The following MTHFD2L variants were observed in gnomAD, a reference collection of about 807,000 sequenced individuals.
MTHFD2L encodes bifunctional methylenetetrahydrofolate dehydrogenase/cyclohydrolase 2, mitochondrial.
MTHFD2L carries 29 observed loss-of-function variants against 34.9 expected under a neutral mutation model. That is an observed-to-expected ratio of 0.83 (90% CI 0.62 to 1.13). MTHFD2L has a LOEUF of 1.13. Ranked by LOEUF, MTHFD2L falls within the 50% of genes most tolerant of loss-of-function variation. MTHFD2L has a pLI of 0.00. For synonymous variants in MTHFD2L, 167 were observed against 155.7 expected (o/e 1.07, Z -0.54); for missense variants, 481 against 446.5 (o/e 1.08, Z -0.70).
At chr4:74,279,863 C>T (rs976397834) in intron 6 of MTHFD2L, among the ~76,000 whole-genome samples, 2 of 152,080 alleles carry the variant, frequency 1.3e-5, no homozygotes, top group African/African-American at 4.8e-5. Flanking sequence ...GGTGACTCTT[C>T]TGTTACATCA....
chr4:74,117,425 G>A (rs1220846228), intron 2 of MTHFD2L, among the ~76,000 whole-genome samples: 1 of 152,208 alleles, frequency 6.6e-6, no homozygotes, highest in Non-Finnish European at 1.5e-5. Flanking sequence ...TTTTCAGGCT[G>A]CAGGGTACAG....
chr4:74,137,289 T>A (rs984186445), intron 1 of MTHFD2L, among the ~76,000 whole-genome samples: 9 of 151,980 alleles, frequency 5.9e-5, no homozygotes, highest in Admixed American at 2.6e-4. Context: ...AAACCTTAAT[T>A]TAAAAATGGA....
intron 7 of MTHFD2L, among the ~76,000 whole-genome samples, chr4:74,292,451 C>T (rs1749077341): frequency 6.6e-6 from 1 of 151,956 alleles, no homozygotes; most frequent in Admixed American, 6.6e-5. Context: ...TTTATCTGCT[C>T]CTATCTCAGA....
In MTHFD2L at chr4:74,301,837, A is replaced by G. The variant is rs184632702; in HGVS notation, c.*28A>G. The stretch of plus-strand genomic sequence containing the variant: ...CACATGAAAGGATAAAGCAAACTGA[A>G]GTCATGCTATTTGTTTATTTGACAA... On this transcript the variant is annotated 3_prime_UTR_variant, in exon 8 of 8. Coordinates refer to ENST00000325278, the MANE Select transcript of MTHFD2L (RefSeq NM_001144978.3). The G allele has an allele frequency of 2.9e-6, 4 of 1,400,942 alleles. No homozygotes were observed. The highest frequency in any genetic ancestry group is 1.9e-5 in the Admixed American group (1 of 52,638). The allele number at this position is 1,400,942 out of a possible 1,614,324, so 86.8% of individuals were successfully genotyped here.
At chr4:74,238,815 G>A (rs1447797668) in intron 6 of MTHFD2L, among the ~76,000 whole-genome samples, 18 of 152,144 alleles carry the variant, frequency 1.2e-4, no homozygotes, top group African/African-American at 2.7e-4. Flanking sequence ...TTAGAATGGC[G>A]ATCGTTAAAA....
intron 6 of MTHFD2L, among the ~76,000 whole-genome samples, chr4:74,241,157 C>T (rs1037999682): frequency 6.6e-6 from 1 of 152,102 alleles, no homozygotes; most frequent in Non-Finnish European, 1.5e-5. Context: ...AAAGAAACCC[C>T]TCTACCTGCT....
At chr4:74,202,089 G>A (rs965531555) in intron 5 of MTHFD2L, among the ~76,000 whole-genome samples, 13 of 152,212 alleles carry the variant, frequency 8.5e-5, no homozygotes, top group Non-Finnish European at 7.3e-5. Context: ...CATCTGGGCC[G>A]CTTACAGACT....
chr4:74,247,817 C>T (rs1421581991), intron 6 of MTHFD2L, among the ~76,000 whole-genome samples: 1 of 152,010 alleles, frequency 6.6e-6, no homozygotes, highest in Non-Finnish European at 1.5e-5. Context: ...GCCTTGCATC[C>T]CAGGGATGAA....
At chr4:74,149,028 G>C (rs975373541) in intron 1 of MTHFD2L, among the ~76,000 whole-genome samples, 4 of 151,816 alleles carry the variant, frequency 2.6e-5, no homozygotes, top group Admixed American at 2.0e-4. Context: ...TCTTTCTGCT[G>C]TCTCCCTTGT....
At chr4:74,267,766 A>G in intron 6 of MTHFD2L, 2 of 985,382 alleles carry the variant, frequency 2.0e-6, no homozygotes, top group Non-Finnish European at 2.4e-6. Context: ...AGAAGCACAC[A>G]TTTGGACCCC....
chr4:74,219,035 A>C (rs1423862069), intron 5 of MTHFD2L, among the ~76,000 whole-genome samples: 1 of 152,138 alleles, frequency 6.6e-6, no homozygotes, highest in Non-Finnish European at 1.5e-5. Flanking sequence ...ACATTGTATT[A>C]GGTATTACTT....
intron 7 of MTHFD2L, among the ~76,000 whole-genome samples, chr4:74,283,614 A>T (rs1229467806): frequency 6.6e-6 from 1 of 152,152 alleles, no homozygotes; most frequent in Non-Finnish European, 1.5e-5. Flanking sequence ...TGTTTGGCAT[A>T]TCTTGGACAT....
intron 1 of MTHFD2L, chr4:74,161,067 T>C (rs1035056595): frequency 1.3e-5 from 2 of 152,236 alleles, no homozygotes; most frequent in African/African-American, 4.8e-5. Context: ...TTCTTTTAGC[T>C]TTTAAAAAAA....
At chr4:74,157,850 T>C (rs1406143322), upstream of MTHFD2L, 7 of 605,406 alleles carry the variant, frequency 1.2e-5, no homozygotes, top group Admixed American at 6.4e-5. Context: ...CAGCTATATG[T>C]TGGCTGGGTG....
chr4:74,140,111 T>G (rs1356212832), intron 1 of MTHFD2L, among the ~76,000 whole-genome samples: 1 of 150,594 alleles, frequency 6.6e-6, no homozygotes. Flanking sequence ...AGCTCAGGAG[T>G]TTGAGACCAG....
upstream of MTHFD2L, among the ~76,000 whole-genome samples, chr4:74,155,627 AAAAG>A (rs1188119411): frequency 1.3e-5 from 2 of 152,170 alleles, no homozygotes; most frequent in African/African-American, 4.8e-5. Context: ...AAAACATTAA[AAAAG>A]AAACAAATCT....
At chr4:74,123,959 T>C (rs995645868), upstream of MTHFD2L, among the ~76,000 whole-genome samples, 3 of 152,136 alleles carry the variant, frequency 2.0e-5, no homozygotes, top group African/African-American at 7.2e-5. Flanking sequence ...TGCATTGATG[T>C]AGACATTTAG....
intron 7 of MTHFD2L, among the ~76,000 whole-genome samples, chr4:74,282,332 AT>A (rs898185054): frequency 2.0e-5 from 3 of 152,126 alleles, no homozygotes; most frequent in Non-Finnish European, 4.4e-5. Context: ...TGTTAGAAAT[AT>A]TTTTTGTATA....
intron 6 of MTHFD2L, among the ~76,000 whole-genome samples, chr4:74,252,441 G>T (rs1560532481): frequency 6.6e-6 from 1 of 151,740 alleles, no homozygotes; most frequent in Non-Finnish European, 1.5e-5. Context: ...AGGAAAATAG[G>T]CATACAAGTG....
Sources: gnomAD v4.1 joint callset for allele counts (sites outside exome capture counted in the v4.1 genomes callset) on GRCh38, gnomAD v4.1.1 for gene constraint, MANE v1.5 for transcripts, NCBI Gene and HGNC (gene_info 2026-07-23, HGNC 2026-07-21) for gene names.